The following MPP7 variants were observed in gnomAD, a reference collection of about 807,000 sequenced individuals.
MPP7 encodes MAGUK p55 subfamily member 7.
Under a neutral mutation model 76.5 loss-of-function variants are expected in MPP7, and 60 were observed. The observed-to-expected ratio is 0.78, with a 90% CI of 0.64 to 0.97. The LOEUF (loss-of-function observed/expected upper bound fraction) is 0.97, where lower values mean the gene tolerates loss of function less well. Ranked by LOEUF, MPP7 falls within the 50% of genes least tolerant of loss-of-function variation. The pLI is 0.00. For missense variants in MPP7, 641 were observed against 694.0 expected, an observed-to-expected ratio of 0.92 and a Z score of 0.86; for synonymous variants, 237 against 244.5, an observed-to-expected ratio of 0.97 and a Z score of 0.29.
At chr10:28,207,454 G>C (rs1269799888) in intron 2 of MPP7, among the ~76,000 whole-genome samples, 1 of 152,068 alleles carries the variant, frequency 6.6e-6, no homozygotes, top group Non-Finnish European at 1.5e-5. Context: ...CACTTTGGGA[G>C]GCCAAGGCAG....
intron 3 of MPP7, among the ~76,000 whole-genome samples, chr10:28,178,792 C>G (rs1307937718): frequency 6.6e-6 from 1 of 151,994 alleles, no homozygotes; most frequent in East Asian, 1.9e-4. Flanking sequence ...TAATTATCCT[C>G]AGAAAGATTC....
upstream of MPP7, chr10:28,334,601 G>C (rs894444389): frequency 1.3e-5 from 2 of 152,314 alleles, no homozygotes; most frequent in South Asian, 4.1e-4. Context: ...CCCTAGTAGA[G>C]ATACAAATCT....
At chr10:28,103,228 G>A (rs1267196008) in intron 11 of MPP7, among the ~76,000 whole-genome samples, 2 of 149,222 alleles carry the variant, frequency 1.3e-5, no homozygotes, top group Non-Finnish European at 1.5e-5. Context: ...CTTTGCATAC[G>A]CTGTCTGGGG....
chr10:28,177,084 T>C (rs7914949), intron 3 of MPP7, among the ~76,000 whole-genome samples: 137,326 of 151,056 alleles, frequency 0.91, 62,482 homozygotes, highest in South Asian at 0.94. Context: ...GGACTAAAAC[T>C]CATCAAATAT....
intron 2 of MPP7, among the ~76,000 whole-genome samples, chr10:28,235,082 T>A (rs1839027806): frequency 6.6e-6 from 1 of 152,154 alleles, no homozygotes; most frequent in Admixed American, 6.5e-5. Flanking sequence ...AGTGCTGGGA[T>A]TAAGGTGTCA....
intron 4 of MPP7, among the ~76,000 whole-genome samples, chr10:28,148,605 A>C (rs915728815): frequency 3.3e-5 from 5 of 152,200 alleles, no homozygotes; most frequent in Admixed American, 1.3e-4. Flanking sequence ...ATTACCTTTC[A>C]AACACTGCTT....
chr10:28,226,353 T>C (rs1838691187), intron 2 of MPP7, among the ~76,000 whole-genome samples: 1 of 152,128 alleles, frequency 6.6e-6, no homozygotes, highest in African/African-American at 2.4e-5. Flanking sequence ...TTCAAGCTAT[T>C]CTCATGCCTC....
chr10:28,229,757 C>G (rs1370462901), intron 2 of MPP7, among the ~76,000 whole-genome samples: 3 of 151,936 alleles, frequency 2.0e-5, no homozygotes, highest in African/African-American at 7.3e-5. Context: ...GGCGTGGTGG[C>G]AGGCGCCTGT....
chr10:28,114,223 C>T (rs993744914), intron 11 of MPP7, among the ~76,000 whole-genome samples: 4 of 152,132 alleles, frequency 2.6e-5, no homozygotes, highest in Non-Finnish European at 5.9e-5. Context: ...TCAGCGTGAA[C>T]CACATAGTGA....
chr10:28,123,818 C>T (rs1417709789), intron 8 of MPP7, among the ~76,000 whole-genome samples: 3 of 151,996 alleles, frequency 2.0e-5, no homozygotes, highest in African/African-American at 4.8e-5. Flanking sequence ...CAAAACACTC[C>T]AGATGGATAG....
chr10:28,160,169 T>C (rs1013381675), intron 3 of MPP7, among the ~76,000 whole-genome samples: 1 of 152,076 alleles, frequency 6.6e-6, no homozygotes, highest in Admixed American at 6.5e-5. Context: ...CAGTTTCTAA[T>C]GGTTTCCTAT....
intron 1 of MPP7, among the ~76,000 whole-genome samples, chr10:28,293,119 G>C (rs1564762113): frequency 6.7e-6 from 1 of 148,150 alleles, no homozygotes; most frequent in Non-Finnish European, 1.5e-5. Context: ...GAAAAAATCT[G>C]ACAGGTGAAA....
At chr10:28,107,368 A>G (rs1043772771) in intron 11 of MPP7, among the ~76,000 whole-genome samples, 3 of 152,134 alleles carry the variant, frequency 2.0e-5, no homozygotes, top group Non-Finnish European at 4.4e-5. Flanking sequence ...TTTATGCCAC[A>G]GTTTTCTATA....
chr10:28,124,313 T>C (rs962574614), intron 7 of MPP7, among the ~76,000 whole-genome samples, 197 bp from the exon 8 acceptor site: 11 of 152,162 alleles, frequency 7.2e-5, no homozygotes, highest in African/African-American at 2.7e-4. Flanking sequence ...ATAGTAATGC[T>C]GGCCAAGAAA....
intron 2 of MPP7, among the ~76,000 whole-genome samples, chr10:28,315,940 A>C (rs1834315804): frequency 6.6e-6 from 1 of 152,162 alleles, no homozygotes; most frequent in African/African-American, 2.4e-5. Flanking sequence ...GTCATGAGAA[A>C]AACATCAGAC....
intron 2 of MPP7, among the ~76,000 whole-genome samples, chr10:28,219,187 C>T (rs1423750294): frequency 6.6e-6 from 1 of 152,020 alleles, no homozygotes; most frequent in African/African-American, 2.4e-5. Context: ...AACATAAATT[C>T]AATGCTAAAA....
chr10:28,305,316 A>G (rs1349013369), upstream of MPP7: 1 of 152,152 alleles, frequency 6.6e-6, no homozygotes, highest in African/African-American at 2.4e-5. Context: ...GTAACTTTGT[A>G]TTTTGTTACA....
chr10:28,262,295 A>G (rs1461029358), intron 1 of MPP7, among the ~76,000 whole-genome samples: 2 of 102,274 alleles, frequency 2.0e-5, no homozygotes, highest in African/African-American at 3.8e-5. Flanking sequence ...TTTTTTCTTC[A>G]CCATGTTGGC....
intron 11 of MPP7, among the ~76,000 whole-genome samples, chr10:28,106,106 A>G (rs1056973394): frequency 6.6e-6 from 1 of 152,162 alleles, no homozygotes; most frequent in African/African-American, 2.4e-5. Context: ...CCAAAGAAAT[A>G]ATTTTGCTGG....
Sources: gnomAD v4.1 joint callset for allele counts (sites outside exome capture counted in the v4.1 genomes callset) on GRCh38, gnomAD v4.1.1 for gene constraint, MANE v1.5 for transcripts, NCBI Gene and HGNC (gene_info 2026-07-23, HGNC 2026-07-21) for gene names.